The following GALNT13 variants were observed in gnomAD, a reference collection of about 807,000 sequenced individuals.
GALNT13 encodes UDP-GalNAc:polypeptide N-acetylgalactosaminyltransferase 13.
A neutral mutation model predicts 64.2 loss-of-function variants in GALNT13; 28 were observed. The observed-to-expected ratio is 0.44, with a 90% CI of 0.32 to 0.60. The LOEUF (loss-of-function observed/expected upper bound fraction) is 0.60. Ranked by LOEUF, GALNT13 falls within the 20% of genes least tolerant of loss-of-function variation. GALNT13 has a pLI of 0.05. For synonymous variants in GALNT13, 214 were observed against 224.6 expected (o/e 0.95, Z 0.42); for missense variants, 577 against 669.8 (o/e 0.86, Z 1.53).
the GALNT13 span, among the ~76,000 whole-genome samples, chr2:153,729,576 G>A: frequency 1.3e-5 from 2 of 151,960 alleles, no homozygotes; most frequent in Admixed American, 6.6e-5. Context: ...GTAAGGGTTC[G>A]AGTCAAAATT....
chr2:154,122,408 TC>T (rs1407818090), intron 3 of GALNT13, among the ~76,000 whole-genome samples: 1 of 152,014 alleles, frequency 6.6e-6, no homozygotes, highest in Admixed American at 6.6e-5. Context: ...TACTATTTTT[TC>T]TGGTTTGGTA....
chr2:153,532,085 G>C, the GALNT13 span, among the ~76,000 whole-genome samples: 1 of 152,168 alleles, frequency 6.6e-6, no homozygotes. Context: ...CAGTGCCCCA[G>C]TGGGGGCTCT....
the GALNT13 span, among the ~76,000 whole-genome samples, chr2:153,202,690 G>A: frequency 6.6e-6 from 1 of 152,068 alleles, no homozygotes; most frequent in East Asian, 1.9e-4. Flanking sequence ...GGAAAAAATT[G>A]TTTTACCCGA....
the GALNT13 span, among the ~76,000 whole-genome samples, chr2:153,765,610 G>A: frequency 1.3e-5 from 2 of 152,252 alleles, no homozygotes; most frequent in South Asian, 4.1e-4. Flanking sequence ...AGTTAGTGTT[G>A]ACATGAGATA....
the GALNT13 span, among the ~76,000 whole-genome samples, chr2:153,324,775 G>A: frequency 1.3e-5 from 2 of 152,172 alleles, no homozygotes; most frequent in African/African-American, 4.8e-5. Context: ...TTTATGTGAT[G>A]GATTATGTTT....
At chr2:153,287,256 C>T in the GALNT13 span, among the ~76,000 whole-genome samples, 1,157 of 152,274 alleles carry the variant, frequency 7.6e-3, 1 homozygote, top group Non-Finnish European at 0.013. Flanking sequence ...CTGAGCATCG[C>T]CGACCCCACA....
At chr2:153,276,148 GT>G in the GALNT13 span, among the ~76,000 whole-genome samples, 9 of 151,992 alleles carry the variant, frequency 5.9e-5, no homozygotes, top group Non-Finnish European at 1.0e-4. Context: ...ACTATCAAAT[GT>G]ATTATATAAA....
rs1056959984 is a variant in GALNT13 at position 153,940,635 on chromosome 2, G to T, written c.-104-3759G>T. Reference sequence around the variant, plus strand: ...AGCTAATTTATGGTATTTTTTCAGGGCTTACTCACTACGTTTATCAGCCCA... The same window carrying T: ...AGCTAATTTATGGTATTTTTTCAGGTCTTACTCACTACGTTTATCAGCCCA... On this transcript the variant is annotated intron_variant, in intron 2 of 12. Transcript: ENST00000392825. Among the ~76,000 whole-genome samples, 5 of 151,960 alleles carry T rather than the reference G, an allele frequency of 3.3e-5. No homozygotes were observed. The East Asian group carries it at 9.6e-4, about 29-fold the overall frequency.
the GALNT13 span, among the ~76,000 whole-genome samples, chr2:153,493,389 T>C: frequency 6.6e-6 from 1 of 152,038 alleles, no homozygotes; most frequent in Non-Finnish European, 1.5e-5. Context: ...ACAACCTCTA[T>C]TTCAAAAATT....
the GALNT13 span, among the ~76,000 whole-genome samples, chr2:153,825,608 C>CTCTG: frequency 1.5e-5 from 2 of 134,864 alleles, no homozygotes; most frequent in African/African-American, 5.7e-5. Context: ...TCCATGAGTG[C>CTCTG]TGTGTGTGTG....
At chr2:154,262,603 G>A (rs1690759610) in intron 8 of GALNT13, among the ~76,000 whole-genome samples, 1 of 152,094 alleles carries the variant, frequency 6.6e-6, no homozygotes, top group African/African-American at 2.4e-5. Context: ...CTAAACATAA[G>A]CATTAATTAA....
At chr2:153,708,839 C>T in the GALNT13 span, among the ~76,000 whole-genome samples, 1 of 152,006 alleles carries the variant, frequency 6.6e-6, no homozygotes, top group East Asian at 1.9e-4. Flanking sequence ...AGAAATAAAC[C>T]TGTATATGTT....
the GALNT13 span, among the ~76,000 whole-genome samples, chr2:153,070,223 G>A: frequency 0.083 from 12,693 of 152,120 alleles, 865 homozygotes; most frequent in African/African-American, 0.18. Context: ...AAAAGGCTAC[G>A]TACTATAAGA....
At chr2:153,353,445 C>A in the GALNT13 span, among the ~76,000 whole-genome samples, 1 of 151,968 alleles carries the variant, frequency 6.6e-6, no homozygotes, top group Non-Finnish European at 1.5e-5. Context: ...CTTTTGTTTT[C>A]TTTTTTGTCT....
intron 4 of GALNT13, among the ~76,000 whole-genome samples, chr2:154,192,038 A>T (rs1034633831): frequency 6.6e-5 from 10 of 152,164 alleles, no homozygotes; most frequent in Non-Finnish European, 1.5e-4. Context: ...GAAGCCAGAA[A>T]GGAGATGGAG....
chr2:153,536,136 C>T, the GALNT13 span, among the ~76,000 whole-genome samples: 1 of 152,170 alleles, frequency 6.6e-6, no homozygotes, highest in Non-Finnish European at 1.5e-5. Flanking sequence ...TTCTCCTCCT[C>T]CTGCTGGAAG....
intron 3 of GALNT13, among the ~76,000 whole-genome samples, chr2:154,053,802 C>T (rs1245444402): frequency 1.3e-5 from 2 of 152,142 alleles, no homozygotes; most frequent in Non-Finnish European, 2.9e-5. Context: ...CAGGACTGAG[C>T]ATCTTTTGTA....
intron 9 of GALNT13, among the ~76,000 whole-genome samples, chr2:154,351,292 A>T (rs1264042593): frequency 1.3e-5 from 2 of 152,118 alleles, no homozygotes; most frequent in African/African-American, 4.8e-5. Context: ...TGAATTTGTC[A>T]TTTGGAAATA....
chr2:153,291,116 T>G, the GALNT13 span, among the ~76,000 whole-genome samples: 1 of 152,208 alleles, frequency 6.6e-6, no homozygotes, highest in African/African-American at 2.4e-5. Context: ...GGTTTAAAGA[T>G]CCACTAATAC....
Sources: gnomAD v4.1 joint callset for allele counts (sites outside exome capture counted in the v4.1 genomes callset) on GRCh38, gnomAD v4.1.1 for gene constraint, MANE v1.5 for transcripts, NCBI Gene and HGNC (gene_info 2026-07-23, HGNC 2026-07-21) for gene names.